BAZ2B: variants seen among roughly 807,000 people sequenced by gnomAD.
BAZ2B encodes the protein bromodomain adjacent to zinc finger domain protein 2B.
In BAZ2B, 91 loss-of-function variants were observed where a neutral mutation model predicts 246.0. That is an observed-to-expected ratio of 0.37 (90% CI 0.31 to 0.44). The LOEUF (loss-of-function observed/expected upper bound fraction) is 0.44, where lower values mean the gene tolerates loss of function less well. BAZ2B is among the 20% of genes least tolerant of loss of function. BAZ2B has a pLI of 1.00. For missense variants in BAZ2B, 2,332 were observed against 2,533.7 expected, an observed-to-expected ratio of 0.92 and a Z score of 1.71; for synonymous variants, 855 against 860.0, an observed-to-expected ratio of 0.99 and a Z score of 0.10.
At chr2:159,605,748 A>T (rs932586216) in intron 1 of BAZ2B, among the ~76,000 whole-genome samples, 18 of 152,164 alleles carry the variant, frequency 1.2e-4, no homozygotes, top group African/African-American at 4.1e-4. Context: ...ATAAAAATTT[A>T]AAAACAGTAA....
intron 33 of BAZ2B, among the ~76,000 whole-genome samples, chr2:159,334,337 A>C (rs2065259581): frequency 6.6e-6 from 1 of 152,208 alleles, no homozygotes; most frequent in African/African-American, 2.4e-5. Flanking sequence ...CTGCTACTAC[A>C]GTAAAAAATA....
At chr2:159,559,117 G>A (rs908380097) in intron 1 of BAZ2B, among the ~76,000 whole-genome samples, 2 of 152,074 alleles carry the variant, frequency 1.3e-5, no homozygotes, top group African/African-American at 4.8e-5. Context: ...GCACACGCCT[G>A]TAGTCCCGCC....
At position 159,447,424 on chromosome 2, in the gene BAZ2B, T is replaced by C. The variant is rs2074413054; in HGVS notation, c.503-449A>G. On this transcript the variant is annotated intron_variant, in intron 5 of 36. Coordinates refer to ENST00000392783, the MANE Select transcript of BAZ2B (RefSeq NM_013450.4). ...CTTTGTGTTTTAATTGTAAAACACA[T>C]TAGAGAACTTTGTAAAACACTTCAG... is the stretch of plus-strand genomic sequence containing the variant. 2.0e-5 allele frequency among the ~76,000 whole-genome samples: 3 copies of C among 152,304 alleles called. No homozygotes were observed. The South Asian group carries it at 6.2e-4, about 32-fold the overall frequency.
At chr2:159,502,985 C>A (rs2081996101) in intron 2 of BAZ2B, among the ~76,000 whole-genome samples, 1 of 152,158 alleles carries the variant, frequency 6.6e-6, no homozygotes, top group South Asian at 2.1e-4. Context: ...TCTCTCTATT[C>A]CCACCATCAT....
intron 18 of BAZ2B, among the ~76,000 whole-genome samples, chr2:159,397,853 CAT>C (rs914422582): frequency 1.1e-4 from 7 of 62,798 alleles, no homozygotes; most frequent in Non-Finnish European, 3.9e-4. Flanking sequence ...TAATTAACAT[CAT>C]TTTTTTTTCA....
intron 27 of BAZ2B, among the ~76,000 whole-genome samples, chr2:159,351,820 T>C (rs1383973779): frequency 6.6e-6 from 1 of 152,230 alleles, no homozygotes; most frequent in East Asian, 1.9e-4. Context: ...CACTACTTTA[T>C]TCAATTTGAA....
At chr2:159,431,596 A>G (rs193149357) in intron 9 of BAZ2B, among the ~76,000 whole-genome samples, 1 of 152,290 alleles carries the variant, frequency 6.6e-6, no homozygotes, top group Admixed American at 6.5e-5. Flanking sequence ...AAAAGAAGAC[A>G]ATTTTCAACA....
At chr2:159,481,891 C>T (rs1272903876) in intron 2 of BAZ2B, among the ~76,000 whole-genome samples, 1 of 151,500 alleles carries the variant, frequency 6.6e-6, no homozygotes, top group East Asian at 1.9e-4. Flanking sequence ...GATGTGGGAT[C>T]CTAAGTTGGA....
At chr2:159,685,302 T>C in the BAZ2B span, among the ~76,000 whole-genome samples, 2 of 152,192 alleles carry the variant, frequency 1.3e-5, no homozygotes, top group African/African-American at 4.8e-5. Flanking sequence ...TAGAAAGAAG[T>C]ATCTATAAAT....
At chr2:159,446,050 G>A (rs551259664) in intron 6 of BAZ2B, among the ~76,000 whole-genome samples, 32 of 152,288 alleles carry the variant, frequency 2.1e-4, no homozygotes, top group African/African-American at 7.7e-4. Flanking sequence ...GGAGGTGGAA[G>A]TTGCAGTGAG....
At chr2:159,341,248 CA>C (rs71406168) in intron 31 of BAZ2B, among the ~76,000 whole-genome samples, 39,865 of 151,736 alleles carry the variant, frequency 0.26, 6,011 homozygotes, top group East Asian at 0.59. Context: ...AAAAAACAAA[CA>C]AACAAACTTC....
downstream of BAZ2B, among the ~76,000 whole-genome samples, chr2:159,316,458 C>T (rs752194349): frequency 2.6e-5 from 4 of 151,362 alleles, no homozygotes; most frequent in East Asian, 1.9e-4. Flanking sequence ...TTCGGGAGGC[C>T]GTGGGGGCAG....
chr2:159,684,935 A>C, the BAZ2B span, among the ~76,000 whole-genome samples: 1 of 152,210 alleles, frequency 6.6e-6, no homozygotes, highest in African/African-American at 2.4e-5. Context: ...ATTTCCTGCC[A>C]AACAGGCCAA....
chr2:159,626,001 C>CAAAAAA, the BAZ2B span, among the ~76,000 whole-genome samples: 1 of 139,300 alleles, frequency 7.2e-6, no homozygotes. Flanking sequence ...AAATGGAAAG[C>CAAAAAA]AAAAAAAAAA....
At chr2:159,552,178 G>T (rs1277727020) in intron 2 of BAZ2B, among the ~76,000 whole-genome samples, 1 of 152,058 alleles carries the variant, frequency 6.6e-6, no homozygotes, top group African/African-American at 2.4e-5. Flanking sequence ...TTAAGATGTT[G>T]CCATTCTAGT....
intron 27 of BAZ2B, among the ~76,000 whole-genome samples, chr2:159,370,966 C>T (rs931248066): frequency 9.2e-5 from 14 of 151,780 alleles, no homozygotes; most frequent in Admixed American, 5.2e-4. Flanking sequence ...CCACCACACC[C>T]GGCTAATTTT....
At chr2:159,643,677 C>T in the BAZ2B span, among the ~76,000 whole-genome samples, 6 of 152,080 alleles carry the variant, frequency 3.9e-5, no homozygotes, top group South Asian at 1.2e-3. Flanking sequence ...GAGTTAAAGA[C>T]CAGCCAGGCC....
In BAZ2B at chr2:159,609,808, A is replaced by T. The variant is rs933207740; in HGVS notation, c.-46+6434T>A. On this transcript the variant is annotated intron_variant, in intron 1 of 36. Coordinates refer to ENST00000392783, the MANE Select transcript of BAZ2B (RefSeq NM_013450.4). ...GATTTTAAATGCAGGTAGATCAATA[A>T]AAAAAAAAAAAAATCACCAAGCACA... Among the ~76,000 whole-genome samples, 23 of 37,248 alleles carry T rather than the reference A, an allele frequency of 6.2e-4. No homozygotes were observed. In the Middle Eastern group the frequency reaches 0.048, roughly 78 times the overall value. The allele number at this position is 37,248 out of a possible 152,430, so 24.4% of individuals were successfully genotyped here.
the BAZ2B span, among the ~76,000 whole-genome samples, chr2:159,633,856 C>A: frequency 6.6e-6 from 1 of 150,990 alleles, no homozygotes; most frequent in African/African-American, 2.4e-5. Context: ...TCTCATGCCT[C>A]AGCCTCCCAA....
Sources: gnomAD v4.1 joint callset for allele counts (sites outside exome capture counted in the v4.1 genomes callset) on GRCh38, gnomAD v4.1.1 for gene constraint, MANE v1.5 for transcripts, NCBI Gene and HGNC (gene_info 2026-07-23, HGNC 2026-07-21) for gene names.